Variants in C5orf58 observed in about 807,000 individuals in gnomAD.
The protein encoded by C5orf58 is putative uncharacterized protein C5orf58.
In C5orf58, 2 loss-of-function variants were observed where a neutral mutation model predicts 2.9. The ratio of observed to expected loss-of-function variants is 0.69; its 90% CI spans 0.28 to 2.18. C5orf58 has a LOEUF of 2.18. Ranked by LOEUF, C5orf58 falls within the 30% of genes most tolerant of loss-of-function variation. The pLI is 0.13. For missense variants in C5orf58, 96 were observed against 91.7 expected, an observed-to-expected ratio of 1.05 and a Z score of -0.19; for synonymous variants, 37 against 33.4, an observed-to-expected ratio of 1.11 and a Z score of -0.37.
At chr5:170,251,059 A>G (rs1761427303), downstream of C5orf58, 1 of 574,612 alleles carries the variant, frequency 1.7e-6, no homozygotes, top group African/African-American at 1.9e-5. Flanking sequence ...ACAGCTACAT[A>G]TCCCATGTGT....
At chr5:170,239,398 G>GAAAA (rs11446646) in intron 3 of C5orf58, among the ~76,000 whole-genome samples, 1 of 143,342 alleles carries the variant, frequency 7.0e-6, no homozygotes. Flanking sequence ...ACTGAAAATT[G>GAAAA]AAAAAAAAAA....
At chr5:170,244,291 C>A (rs1462963949) in intron 3 of C5orf58, among the ~76,000 whole-genome samples, 2 of 149,584 alleles carry the variant, frequency 1.3e-5, no homozygotes, top group African/African-American at 2.5e-5. Flanking sequence ...ATCTTTGTGG[C>A]GTTCTCTGTA....
chr5:170,237,825 T>A (rs1431825225), intron 3 of C5orf58, among the ~76,000 whole-genome samples: 1 of 152,194 alleles, frequency 6.6e-6, no homozygotes, highest in Non-Finnish European at 1.5e-5. Flanking sequence ...AGTCATAGGT[T>A]GAGGGAAAGT....
downstream of C5orf58, chr5:170,248,633 G>A: frequency 6.3e-6 from 10 of 1,591,420 alleles, no homozygotes; most frequent in Non-Finnish European, 8.6e-6. Flanking sequence ...CATTGACCAA[G>A]GCTGATTGAT....
At chr5:170,238,269 T>C (rs756684348) in intron 3 of C5orf58, among the ~76,000 whole-genome samples, 1 of 152,028 alleles carries the variant, frequency 6.6e-6, no homozygotes, top group Non-Finnish European at 1.5e-5. Flanking sequence ...AGATACTGTA[T>C]CCATGAAAAA....
intron 2 of C5orf58, among the ~76,000 whole-genome samples, chr5:170,234,675 T>G (rs1760667175): frequency 6.6e-6 from 1 of 152,218 alleles, no homozygotes. Context: ...TAAGGTAGTT[T>G]ATAAGGGCTG....
chr5:170,244,354 G>C (rs1027061037), intron 3 of C5orf58, among the ~76,000 whole-genome samples: 8 of 151,058 alleles, frequency 5.3e-5, no homozygotes, highest in Non-Finnish European at 4.4e-5. Flanking sequence ...AGTTCTCCTG[G>C]ATAGTATCCT....
downstream of C5orf58, chr5:170,250,883 A>G: frequency 1.2e-6 from 2 of 1,613,010 alleles, no homozygotes; most frequent in South Asian, 1.1e-5. Context: ...GAAATGTGCC[A>G]TCCTAAAAAG....
intron 3 of C5orf58, 55 bp downstream of exon 3, chr5:170,235,125 G>C: frequency 1.1e-6 from 1 of 936,192 alleles, no homozygotes; most frequent in South Asian, 1.5e-5. Context: ...ATAAATGATA[G>C]AGCCAGTTTG....
chr5:170,245,964 C>A lies in C5orf58; in HGVS notation c.97C>A (p.Leu33Ile), dbSNP rs774181346. The A allele has an allele frequency of 1.6e-5, 26 of 1,612,642 alleles. No individual in the cohort carries two copies. The highest frequency in any genetic ancestry group is 2.1e-5 in the Non-Finnish European group (25 of 1,179,386). ...ATCTCCTGTTTTGTTTTGCACAGAG[C>A]TCTCCCAGTTATTGCTTTGTGACCT... is the stretch of plus-strand genomic sequence containing the variant. ...ISSELKKIKELSQLLLCDLIL... is the reference protein window; with the variant it reads ...ISSELKKIKEISQLLLCDLIL... Residue 33 changes from leucine (L) to isoleucine (I), a missense_variant and splice_region_variant, in exon 4 of 4, where the codon CTC becomes ATC. By Grantham distance (5) the Leu-to-Ile change is conservative (BLOSUM62 2). Transcript: ENST00000593851.
exon 3 of C5orf58, chr5:170,251,719 C>A: frequency 2.2e-6 from 1 of 452,528 alleles, no homozygotes. Flanking sequence ...GTCTTGGCTT[C>A]AAATTAGAAT....
At chr5:170,237,324 G>C (rs1644045140) in intron 3 of C5orf58, 1 of 398,248 alleles carries the variant, frequency 2.5e-6, no homozygotes, top group Non-Finnish European at 4.4e-6. Flanking sequence ...ACTCTTCTAA[G>C]AGCTCTGCAT....
At chr5:170,243,265 G>A (rs1761101222) in intron 3 of C5orf58, among the ~76,000 whole-genome samples, 1 of 146,898 alleles carries the variant, frequency 6.8e-6, no homozygotes, top group South Asian at 2.2e-4. Flanking sequence ...TTGATTTGGG[G>A]TGGAGAGTTC....
chr5:170,242,638 T>A (rs928396511), intron 3 of C5orf58, among the ~76,000 whole-genome samples: 15 of 107,856 alleles, frequency 1.4e-4, no homozygotes, highest in Non-Finnish European at 9.7e-5. Flanking sequence ...CCTTTATCAT[T>A]TTTTATTGTG....
rs1409991565 is a variant in C5orf58 at position 170,244,040 on chromosome 5, C to T, written c.95-1922C>T. On this transcript the variant is annotated intron_variant, in intron 3 of 3. Transcript: ENST00000593851. ...TTTTATTTCTCCTTCACTTATGAAG[C>T]TTAGTTTGGCTGGATATGAAATTCT... Among the ~76,000 whole-genome samples the T allele has an allele frequency of 5.9e-5, 9 of 151,726 alleles. 1 individual carries two copies. Among genetic ancestry groups the T allele is most frequent in the African/African-American group, 1.7e-4 (7 of 41,288 alleles).
downstream of C5orf58, among the ~76,000 whole-genome samples, chr5:170,250,468 T>G (rs1445277494): frequency 6.6e-6 from 1 of 152,242 alleles, no homozygotes; most frequent in Non-Finnish European, 1.5e-5. Flanking sequence ...TAGATTTTTT[T>G]AAGTTAACAT....
chr5:170,237,072 T>C (rs1490613082), intron 3 of C5orf58, among the ~76,000 whole-genome samples: 1 of 152,238 alleles, frequency 6.6e-6, no homozygotes, highest in Non-Finnish European at 1.5e-5. Context: ...GATTATCTAA[T>C]TGTTCTAGTT....
downstream of C5orf58, among the ~76,000 whole-genome samples, chr5:170,250,020 CATT>C (rs1213472425): frequency 6.6e-6 from 1 of 152,206 alleles, no homozygotes; most frequent in Non-Finnish European, 1.5e-5. Context: ...TATTCATTAA[CATT>C]ATCATAACAG....
At chr5:170,244,576 C>T (rs984246259) in intron 3 of C5orf58, among the ~76,000 whole-genome samples, 1 of 152,198 alleles carries the variant, frequency 6.6e-6, no homozygotes, top group Non-Finnish European at 1.5e-5. Flanking sequence ...CTCATCGGCT[C>T]CTGAGACTTC....
Sources: allele counts gnomAD v4.1 joint callset (sites outside exome capture counted in the v4.1 genomes callset), GRCh38; gene constraint gnomAD v4.1.1; transcripts MANE v1.5; gene names NCBI Gene and HGNC (gene_info 2026-07-23, HGNC 2026-07-21).